The following DAW1 variants were observed in gnomAD, a reference collection of about 807,000 sequenced individuals.
The protein encoded by DAW1 is dynein assembly factor with WD repeats 1, also known as dynein assembly factor with WD repeat domains 1.
DAW1 carries 47 observed loss-of-function variants against 56.5 expected under a neutral mutation model. The observed-to-expected ratio is 0.83, with a 90% CI of 0.66 to 1.06. DAW1 has a LOEUF of 1.06. Among genes scored for constraint, DAW1 ranks in the 50% least tolerant of loss-of-function variants. DAW1 has a pLI of 0.00. For missense variants in DAW1, 505 were observed against 499.3 expected, an observed-to-expected ratio of 1.01 and a Z score of -0.11; for synonymous variants, 190 against 179.0, an observed-to-expected ratio of 1.06 and a Z score of -0.49.
At chr2:227,875,920 G>GC (rs1223305241) in intron 1 of DAW1, among the ~76,000 whole-genome samples, 24 of 152,146 alleles carry the variant, frequency 1.6e-4, no homozygotes, top group Non-Finnish European at 3.2e-4. Context: ...TTAATGAGAT[G>GC]ATGTGTGTTA....
chr2:227,919,979 T>G (rs1365153249), intron 11 of DAW1, among the ~76,000 whole-genome samples: 1 of 152,204 alleles, frequency 6.6e-6, no homozygotes, highest in African/African-American at 2.4e-5. Flanking sequence ...CTCCAGGGCA[T>G]GCAGACTATG....
chr2:227,884,990 C>T (rs1172114540), intron 1 of DAW1, among the ~76,000 whole-genome samples: 1 of 152,076 alleles, frequency 6.6e-6, no homozygotes, highest in Non-Finnish European at 1.5e-5. Context: ...GAATAGGGCC[C>T]TCTTGTCCTA....
chr2:227,881,706 C>A (rs952659435), intron 1 of DAW1, among the ~76,000 whole-genome samples: 21 of 145,992 alleles, frequency 1.4e-4, no homozygotes, highest in Admixed American at 1.3e-3. Flanking sequence ...GAGGATCTAT[C>A]TGATGCCAAG....
intron 1 of DAW1, among the ~76,000 whole-genome samples, chr2:227,885,020 G>C (rs1420576394): frequency 6.6e-6 from 1 of 152,042 alleles, no homozygotes; most frequent in Non-Finnish European, 1.5e-5. Context: ...TGTGGAATGC[G>C]GTGATAAAAA....
chr2:227,885,205 T>C lies in DAW1; in HGVS notation c.41-146T>C, dbSNP rs1252935087. ...GAAAAGTTTGTCTACATGATCTTGT[T>C]TTGGAACTAGATATCACTGCTTATT... On this transcript the variant is annotated intron_variant, in intron 1 of 12. Coordinates refer to ENST00000309931, the MANE Select transcript of DAW1 (RefSeq NM_178821.3). The C allele has an allele frequency of 2.2e-5, 11 of 506,384 alleles. No homozygotes were observed. In the East Asian group the frequency reaches 2.9e-4, roughly 13 times the overall value. The allele number at this position is 506,384 out of a possible 1,614,324, so 31.4% of individuals were successfully genotyped here.
chr2:227,906,629 A>G (rs924191009), intron 9 of DAW1, among the ~76,000 whole-genome samples: 12 of 152,218 alleles, frequency 7.9e-5, no homozygotes, highest in African/African-American at 2.4e-4. Flanking sequence ...TTCAATTAGT[A>G]GAGTGACCCT....
chr2:227,921,339 T>TTAA, intron 11 of DAW1, 60 bp from the exon 12 acceptor site: 1 of 257,166 alleles, frequency 3.9e-6, no homozygotes, highest in Non-Finnish European at 7.1e-6. Flanking sequence ...TTTTTGCTGA[T>TTAA]AAGAAATGTT....
chr2:227,885,030 A>G (rs1691092548), intron 1 of DAW1, among the ~76,000 whole-genome samples: 1 of 152,120 alleles, frequency 6.6e-6, no homozygotes. Context: ...GGTGATAAAA[A>G]GAAAATCCGG....
chr2:227,918,995 G>T, intron 11 of DAW1, 139 bp downstream of exon 11: 1 of 865,514 alleles, frequency 1.2e-6, no homozygotes, highest in Non-Finnish European at 1.8e-6. Flanking sequence ...AGGAGTTCAA[G>T]ACCAGCCTGG....
intron 10 of DAW1, among the ~76,000 whole-genome samples, chr2:227,916,201 A>G (rs992106559): frequency 6.6e-6 from 1 of 152,140 alleles, no homozygotes; most frequent in African/African-American, 2.4e-5. Flanking sequence ...ACTTATGGTT[A>G]TATGCTATGT....
intron 9 of DAW1, 33 bp from the exon 10 acceptor site, chr2:227,907,105 T>TC (rs745936992): frequency 6.9e-7 from 1 of 1,439,776 alleles, no homozygotes; most frequent in Admixed American, 1.9e-5. Context: ...GTCATAGTCT[T>TC]TTTTTTTTTG....
In DAW1 at chr2:227,924,046, T is replaced by C. The variant is rs1692169865; in HGVS notation, c.*78T>C. 1.3e-6 allele frequency: 2 copies of C among 1,509,352 alleles called. No homozygotes were observed. Among genetic ancestry groups the C allele is most frequent in the Admixed American group, 3.5e-5 (2 of 57,122 alleles). The allele number at this position is 1,509,352 out of a possible 1,614,324, so 93.5% of individuals were successfully genotyped here. A position where few individuals can be genotyped will look rare whatever the true frequency, so the allele number is the denominator to read the frequency against. On this transcript the variant is annotated 3_prime_UTR_variant, in exon 13 of 13. Transcript: ENST00000309931. ...GGAACTTCACAGACAGCAGCTCTCT[T>C]AATATTTCTTATACTTTCTCTTTTT...
chr2:227,919,819 G>C (rs575469613), intron 11 of DAW1, among the ~76,000 whole-genome samples: 2 of 152,180 alleles, frequency 1.3e-5, no homozygotes, highest in Non-Finnish European at 2.9e-5. Context: ...GATCAGATTT[G>C]TTCCTGCTTT....
chr2:227,893,674 A>G, intron 4 of DAW1, 121 bp from the exon 5 acceptor site: 1 of 1,351,210 alleles, frequency 7.4e-7, no homozygotes, highest in Non-Finnish European at 9.7e-7. Context: ...TCCCTCTTAA[A>G]CAAACAAACA....
chr2:227,917,198 A>G (rs1329167334), intron 10 of DAW1, among the ~76,000 whole-genome samples: 1 of 150,512 alleles, frequency 6.6e-6, no homozygotes, highest in Non-Finnish European at 1.5e-5. Flanking sequence ...GTATCTATCC[A>G]TCTATCGATC....
chr2:227,880,837 G>A (rs1690993991), intron 1 of DAW1, among the ~76,000 whole-genome samples: 1 of 152,158 alleles, frequency 6.6e-6, no homozygotes, highest in South Asian at 2.1e-4. Context: ...AACTCTTTGA[G>A]GTGATAGGGA....
intron 10 of DAW1, among the ~76,000 whole-genome samples, chr2:227,914,913 A>G (rs903872790): frequency 6.6e-6 from 1 of 152,100 alleles, no homozygotes; most frequent in Admixed American, 6.5e-5. Context: ...CACCATGACA[A>G]CTACATGTCA....
chr2:227,900,328 G>A (rs1691509912), intron 6 of DAW1, among the ~76,000 whole-genome samples: 1 of 152,046 alleles, frequency 6.6e-6, no homozygotes, highest in African/African-American at 2.4e-5. Flanking sequence ...TAATTCCTAG[G>A]GAGACATTCA....
rs71723734 is a variant in DAW1 at position 227,913,988 on chromosome 2, A to ATC, written c.974-4770_974-4769dup. Among the ~76,000 whole-genome samples the ATC allele has an allele frequency of 3.6e-3, 538 of 147,726 alleles. 3 individuals are homozygous for ATC. Among genetic ancestry groups the ATC allele is most frequent in the Middle Eastern group, 0.01 (3 of 288 alleles). On this transcript the variant is annotated intron_variant, in intron 10 of 12. Coordinates refer to ENST00000309931, the MANE Select transcript of DAW1 (RefSeq NM_178821.3). ...TTGAGAGAGAGAGTCATATATCTGT[A>ATC]TCTCTCTCTCTCTCTCTCTCTCTTT...
Sources: allele counts gnomAD v4.1 joint callset (sites outside exome capture counted in the v4.1 genomes callset), GRCh38; gene constraint gnomAD v4.1.1; transcripts MANE v1.5; gene names NCBI Gene and HGNC (gene_info 2026-07-23, HGNC 2026-07-21).